The following GPC5 variants were observed in gnomAD, a reference collection of about 807,000 sequenced individuals.
GPC5 encodes glypican 5, also known as glypican-5.
Under a neutral mutation model 53.9 loss-of-function variants are expected in GPC5, and 47 were observed. The ratio of observed to expected loss-of-function variants is 0.87; its 90% CI spans 0.69 to 1.11. The LOEUF (loss-of-function observed/expected upper bound fraction) is 1.11. GPC5 is among the 50% of genes most tolerant of loss of function. The probability of loss-of-function intolerance (pLI) is 0.00; values close to 1 mark genes in which losing one functional copy is unlikely to be tolerated. For synonymous variants in GPC5, 286 were observed against 263.3 expected, an observed-to-expected ratio of 1.09 and a Z score of -0.84; for missense variants, 748 against 713.1, an observed-to-expected ratio of 1.05 and a Z score of -0.56.
At chr13:92,452,154 G>A (rs544214592) in intron 7 of GPC5, among the ~76,000 whole-genome samples, 1 of 152,206 alleles carries the variant, frequency 6.6e-6, no homozygotes, top group South Asian at 2.1e-4. Flanking sequence ...TTTTAAAAAC[G>A]ATGGTGAAAG....
chr13:92,045,352 G>C (rs2040973687), intron 6 of GPC5, among the ~76,000 whole-genome samples: 1 of 152,172 alleles, frequency 6.6e-6, no homozygotes, highest in Admixed American at 6.5e-5. Context: ...CCCTGACCAT[G>C]AGCAAATAGA....
At chr13:91,445,238 C>T (rs1448768383) in intron 1 of GPC5, among the ~76,000 whole-genome samples, 1 of 152,144 alleles carries the variant, frequency 6.6e-6, no homozygotes, top group Non-Finnish European at 1.5e-5. Flanking sequence ...TACTCTTGTG[C>T]TTTGGAGCCA....
At chr13:92,139,722 G>A (rs1363910423) in intron 6 of GPC5, among the ~76,000 whole-genome samples, 1 of 150,870 alleles carries the variant, frequency 6.6e-6, no homozygotes, top group Non-Finnish European at 1.5e-5. Flanking sequence ...AATTTCATGG[G>A]ATGAATAAAT....
chr13:91,845,002 GAGA>G (rs900482719), intron 5 of GPC5, among the ~76,000 whole-genome samples: 37 of 152,232 alleles, frequency 2.4e-4, no homozygotes, highest in Admixed American at 1.0e-3. Flanking sequence ...CATTTCTGGG[GAGA>G]AGATCTGAAA....
At chr13:91,819,821 A>G (rs981064796) in intron 5 of GPC5, among the ~76,000 whole-genome samples, 2 of 152,188 alleles carry the variant, frequency 1.3e-5, no homozygotes, top group African/African-American at 2.4e-5. Context: ...AGATAATGTC[A>G]CACTGCCTTT....
intron 2 of GPC5, among the ~76,000 whole-genome samples, chr13:91,578,431 C>A (rs188464084): frequency 6.6e-6 from 1 of 152,022 alleles, no homozygotes; most frequent in Non-Finnish European, 1.5e-5. Flanking sequence ...ATTTACTACC[C>A]CCTTTGTCAT....
intron 7 of GPC5, among the ~76,000 whole-genome samples, chr13:92,796,700 T>C (rs1234981924): frequency 2.0e-5 from 3 of 151,934 alleles, no homozygotes; most frequent in Admixed American, 6.6e-5. Context: ...AAATTTTCTT[T>C]TCTTACCCTT....
intron 7 of GPC5, among the ~76,000 whole-genome samples, chr13:92,863,767 A>G (rs1879256603): frequency 6.6e-6 from 1 of 152,124 alleles, no homozygotes; most frequent in African/African-American, 2.4e-5. Context: ...TGCTGAGATT[A>G]CAGGTGTGAG....
intron 5 of GPC5, among the ~76,000 whole-genome samples, chr13:91,777,965 A>C (rs9523413): frequency 0.33 from 49,777 of 151,998 alleles, 9,826 homozygotes; most frequent in East Asian, 0.65. Context: ...CACCTCAGAA[A>C]GTCAGGTCAT....
rs71113759 is a variant in GPC5, at chr13:91,770,704, TTGTGTG to T, written c.1280+14314_1280+14319del. Among the ~76,000 whole-genome samples, 149 of 145,654 alleles carry T rather than the reference TTGTGTG, an allele frequency of 1.0e-3. No homozygotes were observed. In the South Asian group the frequency reaches 0.01, roughly 10 times the overall value. ...TTCAAAGACTGGGGAGACTGTGTGTTTGTGTGTGTGTGTGTGTGTGTGTGTGTGTGT... is the reference window on the plus strand; with the variant it reads ...TTCAAAGACTGGGGAGACTGTGTGTTTGTGTGTGTGTGTGTGTGTGTGTGT... On this transcript the variant is annotated intron_variant, in intron 5 of 7. Coordinates refer to ENST00000377067, the MANE Select transcript of GPC5 (RefSeq NM_004466.6).
At chr13:91,438,474 C>T (rs949023016) in intron 1 of GPC5, among the ~76,000 whole-genome samples, 20 of 152,132 alleles carry the variant, frequency 1.3e-4, no homozygotes, top group African/African-American at 3.9e-4. Flanking sequence ...TGCAGAACAG[C>T]GGATATTGGT....
intron 5 of GPC5, among the ~76,000 whole-genome samples, chr13:91,795,443 A>G (rs995499772): frequency 1.3e-5 from 2 of 152,202 alleles, no homozygotes; most frequent in African/African-American, 2.4e-5. Context: ...TCTTCACATT[A>G]TTAAATAGAT....
intron 7 of GPC5, among the ~76,000 whole-genome samples, chr13:92,628,267 T>TCTTTTTTTTTC: frequency 3.7e-5 from 3 of 80,472 alleles, no homozygotes; most frequent in African/African-American, 2.8e-4. Flanking sequence ...TTTCTTTCTT[T>TCTTTTTTTTTC]TTTTTTTTTT....
chr13:92,809,581 C>A (rs903448625), intron 7 of GPC5, among the ~76,000 whole-genome samples: 13 of 152,166 alleles, frequency 8.5e-5, no homozygotes, highest in Admixed American at 7.2e-4. Context: ...AGGCCATGTT[C>A]CACGTACATT....
rs1250580877 is a variant in GPC5, at chr13:92,385,764, TAC to T, written c.1561+240776_1561+240777del. 5.0e-4 allele frequency among the ~76,000 whole-genome samples: 46 copies of T among 92,518 alleles called. 1 individual carries two copies. Among genetic ancestry groups the T allele is most frequent in the African/African-American group, 1.7e-3 (38 of 22,318 alleles). 60.7% of individuals were successfully genotyped at this position (92,518 alleles called of 152,430 possible). ...ACGTATATATACACGTGTATATATATACGTATATATACATATATGTATATATA... is the reference window on the plus strand; with the variant it reads ...ACGTATATATACACGTGTATATATATGTATATATACATATATGTATATATA... On this transcript the variant is annotated intron_variant, in intron 7 of 7. Transcript: ENST00000377067.
intron 7 of GPC5, among the ~76,000 whole-genome samples, chr13:92,314,767 T>C (rs192067707): frequency 6.6e-6 from 1 of 152,230 alleles, no homozygotes; most frequent in Non-Finnish European, 1.5e-5. Flanking sequence ...GTGCTCTATT[T>C]TTATTTTTAT....
intron 7 of GPC5, among the ~76,000 whole-genome samples, chr13:92,255,209 T>C (rs2042718919): frequency 6.6e-6 from 1 of 152,116 alleles, no homozygotes; most frequent in African/African-American, 2.4e-5. Context: ...ATAACTGTAT[T>C]ACACTATACT....
At chr13:92,699,567 T>C (rs9561118) in intron 7 of GPC5, among the ~76,000 whole-genome samples, 55,706 of 151,958 alleles carry the variant, frequency 0.37, 11,721 homozygotes, top group East Asian at 0.75. Flanking sequence ...GGGCATTTAG[T>C]ACTATAAATT....
chr13:92,232,787 G>A (rs560803018), intron 7 of GPC5, among the ~76,000 whole-genome samples: 3 of 152,234 alleles, frequency 2.0e-5, no homozygotes, highest in Non-Finnish European at 4.4e-5. Context: ...TAAACATACC[G>A]TAATTTGTGA....
Sources: allele counts gnomAD v4.1 joint callset (sites outside exome capture counted in the v4.1 genomes callset), GRCh38; gene constraint gnomAD v4.1.1; transcripts MANE v1.5; gene names NCBI Gene and HGNC (gene_info 2026-07-23, HGNC 2026-07-21).